ADGRB3: variants seen among roughly 807,000 people sequenced by gnomAD.
The protein encoded by ADGRB3 is brain-specific angiogenesis inhibitor 3.
Under a neutral mutation model 193.4 loss-of-function variants are expected in ADGRB3, and 37 were observed. The observed-to-expected ratio is 0.19, with a 90% CI of 0.15 to 0.25. The LOEUF (loss-of-function observed/expected upper bound fraction) is 0.25. ADGRB3 is among the 10% of genes least tolerant of loss of function. The pLI is 1.00. For missense variants in ADGRB3, 1,637 were observed against 1,852.9 expected (o/e 0.88, Z 2.14); for synonymous variants, 690 against 644.2 (o/e 1.07, Z -1.08).
intron 3 of ADGRB3, among the ~76,000 whole-genome samples, chr6:68,682,236 A>G (rs1295171908): frequency 1.3e-5 from 2 of 152,210 alleles, no homozygotes; most frequent in African/African-American, 4.8e-5. Context: ...AAAATAAAGC[A>G]TTATTTCAAG....
chr6:68,722,013 A>G (rs1765592494), intron 3 of ADGRB3, among the ~76,000 whole-genome samples: 1 of 151,638 alleles, frequency 6.6e-6, no homozygotes, highest in Non-Finnish European at 1.5e-5. Flanking sequence ...TTATATATAT[A>G]TTCTACAGTT....
chr6:68,786,389 A>G (rs936577817), intron 3 of ADGRB3, among the ~76,000 whole-genome samples: 1 of 152,124 alleles, frequency 6.6e-6, no homozygotes, highest in Admixed American at 6.6e-5. Flanking sequence ...CAGTTTTCCC[A>G]GCACCATTTA....
intron 17 of ADGRB3, among the ~76,000 whole-genome samples, chr6:69,156,076 A>G (rs1774831053): frequency 6.6e-6 from 1 of 152,218 alleles, no homozygotes; most frequent in African/African-American, 2.4e-5. Flanking sequence ...TTGAGAACCT[A>G]GTCTCAATTA....
At chr6:68,914,027 G>C (rs1766802039) in intron 3 of ADGRB3, among the ~76,000 whole-genome samples, 1 of 151,556 alleles carries the variant, frequency 6.6e-6, no homozygotes, top group Non-Finnish European at 1.5e-5. Context: ...AAGCCTCCAA[G>C]AAATATGGGA....
intron 17 of ADGRB3, among the ~76,000 whole-genome samples, chr6:69,137,769 C>T (rs551362387): frequency 2.6e-5 from 4 of 152,216 alleles, no homozygotes; most frequent in East Asian, 1.9e-4. Flanking sequence ...TGTACTCCAG[C>T]CTGGGCGACA....
intron 3 of ADGRB3, among the ~76,000 whole-genome samples, chr6:68,762,529 T>G (rs755410087): frequency 1.3e-4 from 19 of 151,796 alleles, no homozygotes; most frequent in Non-Finnish European, 2.1e-4. Flanking sequence ...GGTGACCAAA[T>G]AAATTAGTGA....
Position 69,168,515 on chromosome 6 carries a change from C to T in ADGRB3, c.2481-64775C>T, listed in dbSNP as rs536149575. On this transcript the variant is annotated intron_variant, in intron 17 of 31. Coordinates refer to ENST00000370598, the MANE Select transcript of ADGRB3 (RefSeq NM_001704.3). Reference sequence around the variant, plus strand: ...ATATTCTCCAATAAACTAATGTTTTCGAAAACTAGTCTCCATGAATCACCC... The same window carrying T: ...ATATTCTCCAATAAACTAATGTTTTTGAAAACTAGTCTCCATGAATCACCC... Among the ~76,000 whole-genome samples, 4 of 152,164 alleles carry T rather than the reference C, an allele frequency of 2.6e-5. No individual in the cohort carries two copies. The South Asian group carries it at 6.2e-4, about 24-fold the overall frequency.
chr6:68,921,861 A>T (rs2150242550), intron 3 of ADGRB3, among the ~76,000 whole-genome samples: 1 of 152,178 alleles, frequency 6.6e-6, no homozygotes, highest in Admixed American at 6.5e-5. Flanking sequence ...TAATACAAAG[A>T]CCAGTAAGAC....
chr6:69,008,243 A>T (rs1769824898), intron 11 of ADGRB3, among the ~76,000 whole-genome samples: 1 of 152,130 alleles, frequency 6.6e-6, no homozygotes, highest in Non-Finnish European at 1.5e-5. Context: ...CTAGAGCATA[A>T]ATTCAACGAG....
intron 3 of ADGRB3, among the ~76,000 whole-genome samples, chr6:68,681,799 A>G (rs193125375): frequency 6.6e-6 from 1 of 152,186 alleles, no homozygotes; most frequent in Non-Finnish European, 1.5e-5. Flanking sequence ...TCCAACAGAG[A>G]TTCAATAGCT....
At chr6:68,711,183 G>A (rs1480119456) in intron 3 of ADGRB3, among the ~76,000 whole-genome samples, 1 of 152,024 alleles carries the variant, frequency 6.6e-6, no homozygotes, top group Non-Finnish European at 1.5e-5. Context: ...GGATTCATAA[G>A]CCAAGACCTT....
intron 3 of ADGRB3, among the ~76,000 whole-genome samples, chr6:68,724,402 T>C (rs140628292): frequency 1.3e-5 from 2 of 151,856 alleles, no homozygotes; most frequent in East Asian, 3.9e-4. Flanking sequence ...TCAGTTTCTA[T>C]ATTTCAATAG....
In ADGRB3 at chr6:68,887,319, C is replaced by A. The variant is rs190061183; in HGVS notation, c.758-43240C>A. Among the ~76,000 whole-genome samples the A allele has an allele frequency of 2.9e-4, 44 of 152,040 alleles. 1 individual carries two copies. In the East Asian group the frequency reaches 7.3e-3, roughly 25 times the overall value. On this transcript the variant is annotated intron_variant, in intron 3 of 31. Coordinates refer to ENST00000370598, the MANE Select transcript of ADGRB3 (RefSeq NM_001704.3). The stretch of plus-strand genomic sequence containing the variant: ...GATACGTATCCTTGCAGTCTATTAG[C>A]TAGTACATGATATCTTTTGAGTTTT...
At chr6:68,885,611 A>G (rs994172091) in intron 3 of ADGRB3, among the ~76,000 whole-genome samples, 1 of 152,184 alleles carries the variant, frequency 6.6e-6, no homozygotes, top group African/African-American at 2.4e-5. Context: ...GTAGATTCTT[A>G]AAGTGTTGAA....
At chr6:69,052,124 G>A (rs1248133763) in intron 15 of ADGRB3, among the ~76,000 whole-genome samples, 1 of 152,090 alleles carries the variant, frequency 6.6e-6, no homozygotes, top group Non-Finnish European at 1.5e-5. Context: ...TTCTGACCTC[G>A]TGATCTGCCC....
chr6:68,781,549 C>G (rs987169833), intron 3 of ADGRB3, among the ~76,000 whole-genome samples: 7 of 152,124 alleles, frequency 4.6e-5, no homozygotes, highest in African/African-American at 1.7e-4. Context: ...GTAAAGGTCT[C>G]ATTCATTCAT....
intron 11 of ADGRB3, among the ~76,000 whole-genome samples, chr6:68,995,257 A>G (rs1769352529): frequency 6.6e-6 from 1 of 152,200 alleles, no homozygotes; most frequent in South Asian, 2.1e-4. Flanking sequence ...AAATGCTTCT[A>G]TTAATATTTA....
chr6:69,184,987 G>T (rs568226815), intron 17 of ADGRB3, among the ~76,000 whole-genome samples: 1 of 152,044 alleles, frequency 6.6e-6, no homozygotes, highest in Non-Finnish European at 1.5e-5. Flanking sequence ...GAGGCCATCC[G>T]TGCATTAGAC....
chr6:68,885,506 T>C (rs1269504558), intron 3 of ADGRB3, among the ~76,000 whole-genome samples: 1 of 152,162 alleles, frequency 6.6e-6, no homozygotes, highest in Non-Finnish European at 1.5e-5. Context: ...TTTAAAATCC[T>C]TTTAGTAGTT....
Sources: allele counts gnomAD v4.1 joint callset (sites outside exome capture counted in the v4.1 genomes callset), GRCh38; gene constraint gnomAD v4.1.1; transcripts MANE v1.5; gene names NCBI Gene and HGNC (gene_info 2026-07-23, HGNC 2026-07-21).